RPL29: variants seen among roughly 807,000 people sequenced by gnomAD.
The protein encoded by RPL29 is ribosomal protein L29.
RPL29 carries 4 observed loss-of-function variants against 7.2 expected under a neutral mutation model. The observed-to-expected ratio is 0.55, with a 90% CI of 0.27 to 1.26. RPL29 has a LOEUF of 1.26. Among genes scored for constraint, RPL29 ranks in the 50% most tolerant of loss-of-function variants. The pLI, the probability that RPL29 is intolerant of heterozygous loss-of-function variation, is 0.11. For synonymous variants in RPL29, 73 were observed against 72.8 expected (o/e 1.00, Z -0.01); for missense variants, 148 against 209.1 (o/e 0.71, Z 1.80).
At position 51,993,543 on chromosome 3, in the gene RPL29, C is replaced by T; in HGVS notation, c.*206G>A. ...CCATCTCCTGACTCCCACCCACACCCCACCATCCAGACCCATGTCTTCTCC... is the reference window on the plus strand; with the variant it reads ...CCATCTCCTGACTCCCACCCACACCTCACCATCCAGACCCATGTCTTCTCC... On this transcript the variant is annotated 3_prime_UTR_variant, in exon 4 of 4. Coordinates refer to ENST00000294189, the MANE Select transcript of RPL29 (RefSeq NM_000992.3). 1 of 561,800 alleles carries T rather than the reference C, an allele frequency of 1.8e-6. No individual in the cohort carries two copies. The highest frequency in any genetic ancestry group is 3.1e-6 in the Non-Finnish European group (1 of 321,006). The allele number at this position is 561,800 out of a possible 1,614,324, so 34.8% of individuals were successfully genotyped here. A position where few individuals can be genotyped will look rare whatever the true frequency, so the allele number is the denominator to read the frequency against.
rs540988010 is a variant in RPL29 at position 51,995,629 on chromosome 3, C to T, written c.-8-160G>A. On this transcript the variant is annotated intron_variant, in intron 1 of 3. Coordinates refer to ENST00000294189, the MANE Select transcript of RPL29 (RefSeq NM_000992.3). ...CAAACGCCAGTCCTGGCCTCCCAAA[C>T]CCAGGTAATGATGCCCTGAAATCAA... The T allele has an allele frequency of 4.8e-5, 32 of 670,170 alleles. 1 individual carries two copies. The South Asian group carries it at 5.3e-4, about 11-fold the overall frequency. The allele number at this position is 670,170 out of a possible 1,614,324, so 41.5% of individuals were successfully genotyped here.
Position 51,995,444 on chromosome 3 carries a change from G to A in RPL29, c.18C>T (p.Asn6=), listed in dbSNP as rs752857868. The change falls in exon 2 of 4, where the codon AAC becomes AAT. Residue 6 remains asparagine, a synonymous_variant. Coordinates refer to ENST00000294189, the MANE Select transcript of RPL29 (RefSeq NM_000992.3). ...ACTTACACTGGTTGTGTGTGGTGTG[G>A]TTCTTGGACTTGGCCATGTCTGCAC... MAKSK[N]HTTHNQSRKW... 7 of 1,614,070 alleles carry A rather than the reference G, an allele frequency of 4.3e-6. No homozygotes were observed. Among genetic ancestry groups the A allele is most frequent in the Non-Finnish European group, 5.9e-6 (7 of 1,180,046 alleles).
At chr3:51,995,580 G>A (rs1425949371) in intron 1 of RPL29, 111 bp from the exon 2 acceptor site, 4 of 1,052,852 alleles carry the variant, frequency 3.8e-6, no homozygotes, top group Admixed American at 1.8e-5. Context: ...CAGCCTCCAC[G>A]AGTCTCGGCT....
chr3:51,993,891 G>A lies in RPL29; in HGVS notation c.338C>T (p.Ala113Val), dbSNP rs1701282084. ...KLGKRARARI[A>V]KGLRLCRPKA... ...TGGCCGGCACAGCCTGAGCCCCTTG[G>A]CAATACGGGCACGAGCACGCTTCCC... The change falls in exon 4 of 4, where the codon GCC becomes GTC. Residue 113 changes from alanine (A) to valine (V), a missense_variant. Transcript: ENST00000294189. The A allele has an allele frequency of 1.3e-6, 2 of 1,596,358 alleles. No individual in the cohort carries two copies. The highest frequency in any genetic ancestry group is 1.7e-6 in the Non-Finnish European group (2 of 1,179,784).
rs779424227 is a variant in RPL29 at position 51,993,793 on chromosome 3, G to C, written c.436C>G (p.Gln146Glu). ...GGGGCCTGGGTACGTTTGGGAGCCTGAGCTGGAACTGAAGCTGGGGCTGCA... is the reference window on the plus strand; with the variant it reads ...GGGGCCTGGGTACGTTTGGGAGCCTCAGCTGGAACTGAAGCTGGGGCTGCA... ...QAAAPASVPA[Q>E]APKRTQAPTK... is the part of the protein sequence containing the mutation. Residue 146 changes from glutamine to glutamate, a missense_variant, in exon 4 of 4, where the codon CAG becomes GAG. Gln to Glu is a conservative substitution (Grantham distance 29, BLOSUM62 2). Coordinates refer to ENST00000294189, the MANE Select transcript of RPL29 (RefSeq NM_000992.3). The C allele has an allele frequency of 8.8e-6, 14 of 1,596,116 alleles. No homozygotes were observed. Among genetic ancestry groups the C allele is most frequent in the Non-Finnish European group, 1.2e-5 (14 of 1,179,554 alleles).
intron 2 of RPL29, 56 bp from the exon 3 acceptor site, chr3:51,995,162 AC>A: frequency 7.0e-7 from 1 of 1,437,132 alleles, no homozygotes; most frequent in Non-Finnish European, 9.7e-7. Context: ...TAATAAGACC[AC>A]CCAACATCAC....
intron 2 of RPL29, 35 bp downstream of exon 2, chr3:51,995,389 AG>A: frequency 1.2e-6 from 2 of 1,612,956 alleles, no homozygotes; most frequent in Non-Finnish European, 1.7e-6. Flanking sequence ...AGTCCTTGCC[AG>A]GGTCTGGGAT....
In RPL29 at chr3:51,993,567, C is replaced by T. The variant is rs184610600; in HGVS notation, c.*182G>A. 3,492 of 645,150 alleles carry T rather than the reference C, an allele frequency of 5.4e-3. 16 individuals are homozygous for T. The highest frequency in any genetic ancestry group is 7.6e-3 in the Non-Finnish European group (2,893 of 382,434). 40.0% of individuals were successfully genotyped at this position (645,150 alleles called of 1,614,324 possible). The stretch of plus-strand genomic sequence containing the variant: ...CCCACCATCCAGACCCATGTCTTCT[C>T]CCACACCAACAGATGGAGCAACCAA... On this transcript the variant is annotated 3_prime_UTR_variant, in exon 4 of 4. Transcript: ENST00000294189.
intron 3 of RPL29, chr3:51,994,442 C>G (rs1447531565): frequency 2.7e-6 from 1 of 373,704 alleles, no homozygotes; most frequent in African/African-American, 2.1e-5. Context: ...GACATCCCCT[C>G]AGGGACACCC....
intron 1 of RPL29, 31 bp from the exon 2 acceptor site, chr3:51,995,500 G>C (rs920635886): frequency 3.1e-6 from 5 of 1,611,126 alleles, no homozygotes; most frequent in Non-Finnish European, 4.2e-6. Flanking sequence ...TCAGGGTTAA[G>C]GGCTCGCCAG....
chr3:51,995,330 C>A, intron 2 of RPL29, 95 bp downstream of exon 2: 2 of 1,359,608 alleles, frequency 1.5e-6, no homozygotes, highest in Non-Finnish European at 2.1e-6. Flanking sequence ...CAGCCTCAGG[C>A]CCACAATGGA....
intron 3 of RPL29, chr3:51,994,473 G>T: frequency 3.0e-6 from 1 of 328,902 alleles, no homozygotes; most frequent in Non-Finnish European, 5.6e-6. Flanking sequence ...TTAGAAGAAG[G>T]TGTCAATTAA....
intron 3 of RPL29, chr3:51,994,415 C>T (rs1156413797): frequency 1.3e-5 from 5 of 398,564 alleles, no homozygotes; most frequent in Admixed American, 4.1e-5. Context: ...AGCAGGGGTT[C>T]GACCAAGTTT....
chr3:51,993,611 A>T lies in RPL29; in HGVS notation c.*138T>A. 1 of 926,808 alleles carries T rather than the reference A, an allele frequency of 1.1e-6. No individual in the cohort carries two copies. Among genetic ancestry groups the T allele is most frequent in the Non-Finnish European group, 1.6e-6 (1 of 616,052 alleles). The allele number at this position is 926,808 out of a possible 1,614,324, so 57.4% of individuals were successfully genotyped here. ...CAACCAAACCCATCCCCAGGATCAT[A>T]GACAGAGGCTAACAAATCCTGCCTC... On this transcript the variant is annotated 3_prime_UTR_variant, in exon 4 of 4. Coordinates refer to ENST00000294189, the MANE Select transcript of RPL29 (RefSeq NM_000992.3).
At chr3:51,994,975 CAT>C (rs1485894825) in intron 3 of RPL29, 65 bp downstream of exon 3, 3 of 1,393,590 alleles carry the variant, frequency 2.2e-6, no homozygotes, top group Non-Finnish European at 3.1e-6. Context: ...AGAAAAACTA[CAT>C]GAGAGGCCTT....
In RPL29 at chr3:51,994,013, G is replaced by C; in HGVS notation, c.216C>G (p.Ile72Met). 6.3e-7 allele frequency: 1 copy of C among 1,598,732 alleles called. No homozygotes were observed. The highest frequency in any genetic ancestry group is 8.5e-7 in the Non-Finnish European group (1 of 1,179,566). ...CCTCCTTGGGCTTTACGAGGGCCTT[G>C]ATAGCCTCGGCACGTGCACTCATGG... Reference protein sequence around the residue: ...AKAMSARAEAIKALVKPKEVK... With the variant: ...AKAMSARAEAMKALVKPKEVK... The change falls in exon 4 of 4, where the codon ATC (isoleucine) becomes ATG (methionine). Residue 72 changes from isoleucine to methionine, a missense_variant. Physicochemically the swap from Ile to Met is conservative, Grantham distance 10 (BLOSUM62 1). Transcript: ENST00000294189.
chr3:51,995,581 A>G (rs999317972), intron 1 of RPL29, 112 bp from the exon 2 acceptor site: 6 of 1,045,028 alleles, frequency 5.7e-6, no homozygotes, highest in Admixed American at 5.5e-5. Context: ...AGCCTCCACG[A>G]GTCTCGGCTT....
chr3:51,993,906 G>C lies in RPL29; in HGVS notation c.323C>G (p.Ala108Gly). 1 of 1,596,506 alleles carries C rather than the reference G, an allele frequency of 6.3e-7. No individual in the cohort carries two copies. The highest frequency in any genetic ancestry group is 8.5e-7 in the Non-Finnish European group (1 of 1,179,790). The part of the protein sequence containing the change: ...YIAHPKLGKR[A>G]RARIAKGLRL... ...GAGCCCCTTGGCAATACGGGCACGAGCACGCTTCCCAAGCTTGGGGTGGGC... is the reference window on the plus strand; with the variant it reads ...GAGCCCCTTGGCAATACGGGCACGACCACGCTTCCCAAGCTTGGGGTGGGC... Residue 108 changes from alanine to glycine, a missense_variant, in exon 4 of 4, where the codon GCT becomes GGT. By Grantham distance (60) the Ala-to-Gly change is moderately conservative. Transcript: ENST00000294189.
At chr3:51,995,213 C>T (rs1297951366) in intron 2 of RPL29, 107 bp from the exon 3 acceptor site, 5 of 1,073,584 alleles carry the variant, frequency 4.7e-6, no homozygotes, top group Non-Finnish European at 4.2e-6. Context: ...CCTACAGCAG[C>T]TACACTTGAG....
Sources: allele counts gnomAD v4.1 joint callset, GRCh38; gene constraint gnomAD v4.1.1; transcripts MANE v1.5; gene names NCBI Gene and HGNC (gene_info 2026-07-23, HGNC 2026-07-21).